The following CIITA variants were observed in gnomAD, a reference collection of about 807,000 sequenced individuals.
CIITA encodes the protein MHC class II transactivator.
In CIITA, 72 loss-of-function variants were observed where a neutral mutation model predicts 115.1. That is an observed-to-expected ratio of 0.63 (90% CI 0.52 to 0.76). The LOEUF (loss-of-function observed/expected upper bound fraction) is 0.76. Among genes scored for constraint, CIITA ranks in the 30% least tolerant of loss-of-function variants. The pLI, the probability that CIITA is intolerant of heterozygous loss-of-function variation, is 0.00. For synonymous variants in CIITA, 763 were observed against 635.6 expected (o/e 1.20, Z -3.02); for missense variants, 1,617 against 1,463.8 (o/e 1.10, Z -1.71).
chr16:10,918,555 T>A, intron 16 of CIITA, 29 bp downstream of exon 16: 1 of 1,603,154 alleles, frequency 6.2e-7, no homozygotes, highest in Non-Finnish European at 8.5e-7. Flanking sequence ...ACCGGTCAGG[T>A]GCTGAGCTGG....
At chr16:10,897,147 C>T (rs944797062) in intron 3 of CIITA, among the ~76,000 whole-genome samples, 3 of 152,164 alleles carry the variant, frequency 2.0e-5, no homozygotes, top group African/African-American at 7.2e-5. Context: ...ATACCTGACA[C>T]TGAGTAATTT....
intron 18 of CIITA, chr16:10,922,898 G>C (rs2040351770): frequency 2.0e-6 from 1 of 498,262 alleles, no homozygotes; most frequent in Admixed American, 3.4e-5. Context: ...TTCTTTCAAA[G>C]CACTTTTATC....
At chr16:10,893,142 G>A (rs1249847287) in intron 1 of CIITA, among the ~76,000 whole-genome samples, 3 of 152,122 alleles carry the variant, frequency 2.0e-5, no homozygotes, top group Non-Finnish European at 1.5e-5. Flanking sequence ...AGCTAGAGGA[G>A]GCAAGGAAGC....
At position 10,902,135 on chromosome 16, in the gene CIITA, G is replaced by A. The variant is rs1158031392; in HGVS notation, c.579G>A (p.Gln193=). ...TGCCACTGCCTGCGCTGTTCAACCA[G>A]GAGCCAGCCTCCGGCCAGATGCGCC... is the stretch of plus-strand genomic sequence containing the variant. ...PCLPLPALFN[Q]EPASGQMRLE... Residue 193 remains glutamine (Q), a synonymous_variant, in exon 7 of 20, where the codon CAG becomes CAA. Transcript: ENST00000324288. 1 of 1,614,198 alleles carries A rather than the reference G, an allele frequency of 6.2e-7. No individual in the cohort carries two copies. Among genetic ancestry groups the A allele is most frequent in the Non-Finnish European group, 8.5e-7 (1 of 1,180,038 alleles).
intron 1 of CIITA, among the ~76,000 whole-genome samples, chr16:10,885,976 A>G (rs113277130): frequency 0.01 from 1,522 of 149,094 alleles, 34 homozygotes; most frequent in African/African-American, 0.035. Flanking sequence ...TAATGTCCCT[A>G]TTTCCCATAC....
chr16:10,879,162 T>C lies in CIITA; in HGVS notation c.52+1780T>C, dbSNP rs750615175. ...TCTGGGAGGATGGGGGGATGGAATATGCAAAATGTAGGGCCGGGAAACACC... is the reference window on the plus strand; with the variant it reads ...TCTGGGAGGATGGGGGGATGGAATACGCAAAATGTAGGGCCGGGAAACACC... On this transcript the variant is annotated intron_variant, in intron 1 of 19. Transcript: ENST00000324288. This position sits in a 1 kb window ranked among gnomAD's most constrained non-coding sequence, Gnocchi z 4.3. 115 of 179,692 alleles carry C rather than the reference T, an allele frequency of 6.4e-4. No individual in the cohort carries two copies. Among genetic ancestry groups the C allele is most frequent in the Non-Finnish European group, 1.1e-3 (90 of 83,926 alleles). 11.1% of individuals were successfully genotyped at this position (179,692 alleles called of 1,614,324 possible). A position where few individuals can be genotyped will look rare whatever the true frequency, so the allele number is the denominator to read the frequency against.
rs2035918255 is a variant in CIITA at position 10,877,325 on chromosome 16, T to C, written c.-6T>C. 3 of 1,612,760 alleles carry C rather than the reference T, an allele frequency of 1.9e-6. No individual in the cohort carries two copies. The highest frequency in any genetic ancestry group is 2.5e-6 in the Non-Finnish European group (3 of 1,179,354). The stretch of plus-strand genomic sequence containing the variant: ...GGAGCTGCTGCCTGGCTGGGATTCC[T>C]ACACAATGCGTTGCCTGGCTCCACG... On this transcript the variant is annotated 5_prime_UTR_variant, in exon 1 of 20. Transcript: ENST00000324288.
intron 1 of CIITA, among the ~76,000 whole-genome samples, chr16:10,889,837 G>C (rs1029444675): frequency 1.3e-5 from 2 of 152,200 alleles, no homozygotes; most frequent in African/African-American, 4.8e-5. Flanking sequence ...GAAAACTGAT[G>C]TTCAGAGAGG....
Position 10,909,300 on chromosome 16 carries a change from C to A in CIITA, c.2816+113C>A, listed in dbSNP as rs45481191. On this transcript the variant is annotated intron_variant, in intron 12 of 19. Coordinates refer to ENST00000324288, the MANE Select transcript of CIITA (RefSeq NM_000246.4). Reference sequence around the variant, plus strand: ...CAGTGCCCCCTGTCCTCTGGGACACCCCATGCCCTCTTTCTGGGCAATGGC... The same window carrying A: ...CAGTGCCCCCTGTCCTCTGGGACACACCATGCCCTCTTTCTGGGCAATGGC... 2.5e-5 allele frequency: 28 copies of A among 1,099,776 alleles called. No individual in the cohort carries two copies. In the East Asian group the frequency reaches 4.2e-4, roughly 16 times the overall value. The allele number at this position is 1,099,776 out of a possible 1,614,324, so 68.1% of individuals were successfully genotyped here.
At chr16:10,883,812 T>G (rs2036653809) in intron 1 of CIITA, among the ~76,000 whole-genome samples, 1 of 152,102 alleles carries the variant, frequency 6.6e-6, no homozygotes, top group African/African-American at 2.4e-5. Context: ...GGAGTTGAGG[T>G]GCAATGCAGT....
In CIITA at chr16:10,925,427, C is replaced by T. The variant is rs1263481778; in HGVS notation, c.*1572C>T. ...GGCTAAGTGATCCTCCCACCTCAGC[C>T]TCCCGAATAGCTGGGACTACAGGTG... On this transcript the variant is annotated 3_prime_UTR_variant, in exon 20 of 20. Transcript: ENST00000324288. The T allele has an allele frequency of 1.3e-5, 2 of 152,378 alleles. No homozygotes were observed. Among genetic ancestry groups the T allele is most frequent in the East Asian group, 3.8e-4 (2 of 5,204 alleles). 9.4% of individuals were successfully genotyped at this position (152,378 alleles called of 1,614,324 possible).
chr16:10,909,336 C>A, intron 12 of CIITA, 149 bp downstream of exon 12: 1 of 871,302 alleles, frequency 1.1e-6, no homozygotes, highest in Non-Finnish European at 1.9e-6. Flanking sequence ...TAACCAGAGT[C>A]TCTCACTGCA....
rs1022525954 is a variant in CIITA at position 10,930,794 on chromosome 16, T to C, written c.*6939T>C. ...CCTTGCAGGTCGACCTGCCCTTCTTTGCTGAGGCCTTTCTCTGCCTCCAGA... is the reference window on the plus strand; with the variant it reads ...CCTTGCAGGTCGACCTGCCCTTCTTCGCTGAGGCCTTTCTCTGCCTCCAGA... On this transcript the variant is annotated 3_prime_UTR_variant, in exon 20 of 20. Coordinates refer to ENST00000324288, the MANE Select transcript of CIITA (RefSeq NM_000246.4). 2.0e-5 allele frequency: 3 copies of C among 152,268 alleles called. No homozygotes were observed. The highest frequency in any genetic ancestry group is 7.2e-5 in the African/African-American group (3 of 41,450). 9.4% of individuals were successfully genotyped at this position (152,268 alleles called of 1,614,324 possible). A position where few individuals can be genotyped will look rare whatever the true frequency, so the allele number is the denominator to read the frequency against.
intron 3 of CIITA, among the ~76,000 whole-genome samples, chr16:10,897,511 C>A (rs2038251934): frequency 6.6e-6 from 1 of 152,192 alleles, no homozygotes; most frequent in African/African-American, 2.4e-5. Context: ...GACAAACATT[C>A]ACGTCATAAC....
chr16:10,915,721 C>A, intron 14 of CIITA, 71 bp downstream of exon 14: 2 of 1,362,590 alleles, frequency 1.5e-6, no homozygotes, highest in Non-Finnish European at 2.1e-6. Flanking sequence ...CTCACTGCAG[C>A]CTCGAATTCC....
At chr16:10,877,899 G>A (rs1485115354) in intron 1 of CIITA, among the ~76,000 whole-genome samples, 2 of 152,226 alleles carry the variant, frequency 1.3e-5, no homozygotes, top group Non-Finnish European at 2.9e-5. Flanking sequence ...AAAAGGGTCA[G>A]GGGACGGGGG....
At chr16:10,918,609 G>A in intron 16 of CIITA, 83 bp downstream of exon 16, 1 of 1,204,482 alleles carries the variant, frequency 8.3e-7, no homozygotes, top group Non-Finnish European at 1.2e-6. Context: ...TGGCTGCAGG[G>A]GACACTGAGA....
Position 10,872,136 on chromosome 16 carries a change from T to TG in CIITA, c.-21+5824dup, listed in dbSNP as rs569741276. Among the ~76,000 whole-genome samples the TG allele has an allele frequency of 7.0e-4, 107 of 152,008 alleles. 1 individual carries two copies. Among genetic ancestry groups the TG allele is most frequent in the African/African-American group, 2.5e-3 (103 of 41,426 alleles). On this transcript the variant is annotated intron_variant, in intron 1 of 5. Coordinates refer to the CIITA transcript ENST00000636238. ...TGTCTTTTTTTTAATTTTTTTTGGGTGGGGGGGACACAGTCTTGCTTTGTA... is the reference window on the plus strand; with the variant it reads ...TGTCTTTTTTTTAATTTTTTTTGGGTGGGGGGGGACACAGTCTTGCTTTGTA...
chr16:10,902,660 C>A lies in CIITA; in HGVS notation c.631C>A (p.Pro211Thr). 1 of 1,614,240 alleles carries A rather than the reference C, an allele frequency of 6.2e-7. No individual in the cohort carries two copies. Among genetic ancestry groups the A allele is most frequent in the Non-Finnish European group, 8.5e-7 (1 of 1,180,042 alleles). The change falls in exon 8 of 20, where the codon CCT becomes ACT. Residue 211 changes from proline to threonine, a missense_variant and splice_region_variant. Coordinates refer to ENST00000324288, the MANE Select transcript of CIITA (RefSeq NM_000246.4). ...RLEKTDQIPM[P>T]FSSSSLSCLN... Reference sequence around the variant, plus strand: ...CTCACTGCCTTTGTCTCTTGCAGTGCCTTTCTCCAGTTCCTCGTTGAGCTG... The same window carrying A: ...CTCACTGCCTTTGTCTCTTGCAGTGACTTTCTCCAGTTCCTCGTTGAGCTG...
Sources: allele counts gnomAD v4.1 joint callset (sites outside exome capture counted in the v4.1 genomes callset), GRCh38; gene constraint gnomAD v4.1.1; non-coding constraint Gnocchi (gnomAD v3.1); transcripts MANE v1.5; gene names NCBI Gene and HGNC (gene_info 2026-07-23, HGNC 2026-07-21).